SSTR4: variants seen among roughly 807,000 people sequenced by gnomAD.
SSTR4 encodes the protein somatostatin receptor type 4.
For synonymous variants in SSTR4, 272 were observed against 246.3 expected (o/e 1.10, Z -0.98); for missense variants, 649 against 540.6 (o/e 1.20, Z -1.99).
At position 23,035,783 on chromosome 20, in the gene SSTR4, G is replaced by A; in HGVS notation, c.300G>A (p.Val100=). 1 of 1,593,960 alleles carries A rather than the reference G, an allele frequency of 6.3e-7. No homozygotes were observed. ...CCGACGAGCTCTTCATGCTGAGCGT[G>A]CCCTTCGTGGCCTCGTCGGCCGCCC... ...AVADELFMLS[V]PFVASSAALR... The change falls in exon 1 of 1, where the codon GTG becomes GTA. Residue 100 remains valine (V), a synonymous_variant. Coordinates refer to ENST00000255008, the MANE Select transcript of SSTR4 (RefSeq NM_001052.4).
chr20:23,035,312 G>C lies in SSTR4; in HGVS notation c.-172G>C, dbSNP rs1600403788. ...GAGCCAGTCGGGCGCCCGCGCGGTG[G>C]GGCGCGCGGCGCGGGGATTGGCGGG... On this transcript the variant is annotated 5_prime_UTR_variant, in exon 1 of 1. Transcript: ENST00000255008. 7.1e-6 allele frequency: 3 copies of C among 421,824 alleles called. No individual in the cohort carries two copies. In the East Asian group the frequency reaches 1.5e-4, roughly 21 times the overall value. The allele number at this position is 421,824 out of a possible 1,614,324, so 26.1% of individuals were successfully genotyped here. A position where few individuals can be genotyped will look rare whatever the true frequency, so the allele number is the denominator to read the frequency against.
Position 23,036,615 on chromosome 20 carries a change from A to C in SSTR4, c.1132A>C (p.Lys378Gln). The C allele has an allele frequency of 6.4e-7, 1 of 1,570,268 alleles. No homozygotes were observed. The highest frequency in any genetic ancestry group is 8.6e-7 in the Non-Finnish European group (1 of 1,159,370). The stretch of plus-strand genomic sequence containing the variant: ...AGCCCTGCAACCAGAACCCGGCCGC[A>C]AGCGCATCCCCCTCACCAGGACCAC... ...QEALQPEPGR[K>Q]RIPLTRTTTF Residue 378 changes from lysine (K) to glutamine (Q), a missense_variant, in exon 1 of 1, where the codon AAG becomes CAG. Physicochemically the swap from Lys to Gln is moderately conservative, Grantham distance 53. Coordinates refer to ENST00000255008, the MANE Select transcript of SSTR4 (RefSeq NM_001052.4).
Position 23,036,411 on chromosome 20 carries a change from C to G in SSTR4, c.928C>G (p.Leu310Val). The G allele has an allele frequency of 6.2e-7, 1 of 1,614,106 alleles. No homozygotes were observed. The stretch of plus-strand genomic sequence containing the variant: ...TGCCAACAGCTGCGCCAACCCCATT[C>G]TCTATGGCTTCCTCTCCGACAACTT... ...SYANSCANPI[L>V]YGFLSDNFRR... The change falls in exon 1 of 1, where the codon CTC becomes GTC. Residue 310 changes from leucine to valine, a missense_variant. Leu to Val is a conservative substitution (Grantham distance 32, BLOSUM62 1). Transcript: ENST00000255008.
chr20:23,036,707 C>T lies in SSTR4; in HGVS notation c.*57C>T. On this transcript the variant is annotated 3_prime_UTR_variant, in exon 1 of 1. Coordinates refer to ENST00000255008, the MANE Select transcript of SSTR4 (RefSeq NM_001052.4). ...ACCTCCCAAGGGGTGGGCACCATTC[C>T]TACAGCCCCGAAGACTGCATCTCCT... The T allele has an allele frequency of 6.6e-7, 1 of 1,507,516 alleles. No homozygotes were observed. The highest frequency in any genetic ancestry group is 8.9e-7 in the Non-Finnish European group (1 of 1,126,140). The allele number at this position is 1,507,516 out of a possible 1,614,324, so 93.4% of individuals were successfully genotyped here.
Position 23,036,206 on chromosome 20 carries a change from G to T in SSTR4, c.723G>T (p.Val241=), listed in dbSNP as rs1984314932. Reference sequence around the variant, plus strand: ...TCATCGTGGGCAAGATGCGCGCCGTGGCCCTGCGCGCTGGCTGGCAGCAGC... The same window carrying T: ...TCATCGTGGGCAAGATGCGCGCCGTTGCCCTGCGCGCTGGCTGGCAGCAGC... ...YLLIVGKMRA[V]ALRAGWQQRR... is the part of the protein sequence containing the mutation. The change falls in exon 1 of 1, where the codon GTG becomes GTT. Residue 241 remains valine (V), a synonymous_variant. Transcript: ENST00000255008. 6.2e-7 allele frequency: 1 copy of T among 1,613,182 alleles called. No homozygotes were observed. The highest frequency in any genetic ancestry group is 8.5e-7 in the Non-Finnish European group (1 of 1,179,906).
Position 23,036,873 on chromosome 20 carries a change from G to A in SSTR4, c.*223G>A. 1 of 500,506 alleles carries A rather than the reference G, an allele frequency of 2.0e-6. No homozygotes were observed. Among genetic ancestry groups the A allele is most frequent in the East Asian group, 3.1e-5 (1 of 31,920 alleles). The allele number at this position is 500,506 out of a possible 1,614,324, so 31.0% of individuals were successfully genotyped here. A position where few individuals can be genotyped will look rare whatever the true frequency, so the allele number is the denominator to read the frequency against. On this transcript the variant is annotated 3_prime_UTR_variant, in exon 1 of 1. Coordinates refer to ENST00000255008, the MANE Select transcript of SSTR4 (RefSeq NM_001052.4). Reference sequence around the variant, plus strand: ...GCTTCCATATGGGTAGGACTCCTCTGGAAACTGGGCTAGGATATTAATCAT... The same window carrying A: ...GCTTCCATATGGGTAGGACTCCTCTAGAAACTGGGCTAGGATATTAATCAT...
In SSTR4 at chr20:23,035,856, G is replaced by A. The variant is rs747905198; in HGVS notation, c.373G>A (p.Val125Ile). ...GSVLCRAVLS[V>I]DGLNMFTSVF... ...CGTGCTGTGCCGCGCGGTGCTCAGC[G>A]TCGACGGCCTCAACATGTTCACCAG... The change falls in exon 1 of 1, where the codon GTC becomes ATC. Residue 125 changes from valine (V) to isoleucine (I), a missense_variant. Val to Ile is a conservative substitution (Grantham distance 29). Transcript: ENST00000255008. 1.2e-6 allele frequency: 2 copies of A among 1,607,070 alleles called. No homozygotes were observed. Among genetic ancestry groups the A allele is most frequent in the Admixed American group, 3.4e-5 (2 of 59,344 alleles).
At position 23,038,469 on chromosome 20, in the gene SSTR4, G is replaced by A. The variant is rs1389889341; in HGVS notation, c.*1819G>A. The stretch of plus-strand genomic sequence containing the variant: ...GTCTTGGCAACACTAGTGTGTGGCT[G>A]CCCAGATTAGCATGGAATAAGACAC... On this transcript the variant is annotated 3_prime_UTR_variant, in exon 1 of 1. Transcript: ENST00000255008. Among the ~76,000 whole-genome samples the A allele has an allele frequency of 6.6e-6, 1 of 152,186 alleles. No individual in the cohort carries two copies. The highest frequency in any genetic ancestry group is 1.5e-5 in the Non-Finnish European group (1 of 68,042).
At position 23,036,960 on chromosome 20, in the gene SSTR4, C is replaced by T. The variant is rs1984348149; in HGVS notation, c.*310C>T. ...CAGGAGGTGGTGAGAAATGAATGGT[C>T]CCTGTGTGTGACTCCTTACAGCCAC... is the stretch of plus-strand genomic sequence containing the variant. On this transcript the variant is annotated 3_prime_UTR_variant, in exon 1 of 1. Transcript: ENST00000255008. 2 of 390,254 alleles carry T rather than the reference C, an allele frequency of 5.1e-6. No homozygotes were observed. The highest frequency in any genetic ancestry group is 2.0e-5 in the African/African-American group (1 of 48,854). 24.2% of individuals were successfully genotyped at this position (390,254 alleles called of 1,614,324 possible).
In SSTR4 at chr20:23,036,292, T is replaced by C. The variant is rs1197605746; in HGVS notation, c.809T>C (p.Leu270Pro). 1.9e-6 allele frequency: 3 copies of C among 1,614,076 alleles called. No homozygotes were observed. The highest frequency in any genetic ancestry group is 2.2e-5 in the East Asian group (1 of 44,862). Residue 270 changes from leucine (L) to proline (P), a missense_variant, in exon 1 of 1, where the codon CTC becomes CCC. Leu to Pro is a moderately conservative substitution (Grantham distance 98). Coordinates refer to ENST00000255008, the MANE Select transcript of SSTR4 (RefSeq NM_001052.4). Reference sequence around the variant, plus strand: ...CTGATGGTCGTGGTCGTCTTTGTGCTCTGCTGGATGCCTTTCTACGTGGTG... The same window carrying C: ...CTGATGGTCGTGGTCGTCTTTGTGCCCTGCTGGATGCCTTTCTACGTGGTG... Reference protein sequence around the residue: ...LVLMVVVVFVLCWMPFYVVQL... With the variant: ...LVLMVVVVFVPCWMPFYVVQL...
Position 23,035,403 on chromosome 20 carries a change from C to A in SSTR4, c.-81C>A. On this transcript the variant is annotated 5_prime_UTR_variant, in exon 1 of 1. Coordinates refer to ENST00000255008, the MANE Select transcript of SSTR4 (RefSeq NM_001052.4). ...AGCCGCGCGTCTGCGCGCCAGCCCCCGCCCTGGGCCCGCCGCCCGAGCTCT... is the reference window on the plus strand; with the variant it reads ...AGCCGCGCGTCTGCGCGCCAGCCCCAGCCCTGGGCCCGCCGCCCGAGCTCT... 2 of 1,099,436 alleles carry A rather than the reference C, an allele frequency of 1.8e-6. No homozygotes were observed. The highest frequency in any genetic ancestry group is 2.3e-6 in the Non-Finnish European group (2 of 868,702). 68.1% of individuals were successfully genotyped at this position (1,099,436 alleles called of 1,614,324 possible).
chr20:23,035,385 C>G lies in SSTR4; in HGVS notation c.-99C>G, dbSNP rs937947280. ...TTCAGCGTAGCCGGGAAGAGCCGCGCGTCTGCGCGCCAGCCCCCGCCCTGG... is the reference window on the plus strand; with the variant it reads ...TTCAGCGTAGCCGGGAAGAGCCGCGGGTCTGCGCGCCAGCCCCCGCCCTGG... On this transcript the variant is annotated 5_prime_UTR_variant, in exon 1 of 1. Coordinates refer to ENST00000255008, the MANE Select transcript of SSTR4 (RefSeq NM_001052.4). The G allele has an allele frequency of 5.2e-5, 47 of 909,416 alleles. No homozygotes were observed. The highest frequency in any genetic ancestry group is 4.4e-5 in the Admixed American group (1 of 22,510). 56.3% of individuals were successfully genotyped at this position (909,416 alleles called of 1,614,324 possible).
Position 23,036,501 on chromosome 20 carries a change from G to C in SSTR4, c.1018G>C (p.Glu340Gln), listed in dbSNP as rs370296350. 1 of 1,613,836 alleles carries C rather than the reference G, an allele frequency of 6.2e-7. No individual in the cohort carries two copies. The highest frequency in any genetic ancestry group is 1.3e-5 in the African/African-American group (1 of 74,930). ...CCLLEGAGGA[E>Q]EEPLDYYATA... is the part of the protein sequence containing the mutation. ...CCTCCTGGAAGGTGCTGGAGGTGCT[G>C]AGGAGGAGCCCCTGGACTACTATGC... is the stretch of plus-strand genomic sequence containing the variant. Residue 340 changes from glutamate (E) to glutamine (Q), a missense_variant, in exon 1 of 1, where the codon GAG becomes CAG. Coordinates refer to ENST00000255008, the MANE Select transcript of SSTR4 (RefSeq NM_001052.4).
In SSTR4 at chr20:23,038,809, T is replaced by C. The variant is rs957624084; in HGVS notation, c.*2159T>C. 9 of 152,190 alleles carry C rather than the reference T, an allele frequency of 5.9e-5. No homozygotes were observed. The highest frequency in any genetic ancestry group is 1.9e-4 in the African/African-American group (8 of 41,430). 9.4% of individuals were successfully genotyped at this position (152,190 alleles called of 1,614,324 possible). ...TCCTCCTTCCATCACCACTGGAAAA[T>C]GAGCGTGAACACTGCCCTTGACCCT... On this transcript the variant is annotated 3_prime_UTR_variant, in exon 1 of 1. Coordinates refer to ENST00000255008, the MANE Select transcript of SSTR4 (RefSeq NM_001052.4).
rs1263812434 is a variant in SSTR4, at chr20:23,038,921, C to T, written c.*2271C>T. ...CTCTTCTTTAGCTTCAGGGCCTTTT[C>T]ATTTCCCGGCAGCAACGAGGTGCAC... On this transcript the variant is annotated 3_prime_UTR_variant, in exon 1 of 1. Coordinates refer to ENST00000255008, the MANE Select transcript of SSTR4 (RefSeq NM_001052.4). The T allele has an allele frequency of 6.6e-6, 1 of 152,250 alleles. No homozygotes were observed. Among genetic ancestry groups the T allele is most frequent in the East Asian group, 1.9e-4 (1 of 5,192 alleles). 9.4% of individuals were successfully genotyped at this position (152,250 alleles called of 1,614,324 possible).
Position 23,035,782 on chromosome 20 carries a change from T to A in SSTR4, c.299T>A (p.Val100Glu). Residue 100 changes from valine (V) to glutamate (E), a missense_variant, in exon 1 of 1, where the codon GTG becomes GAG. Coordinates refer to ENST00000255008, the MANE Select transcript of SSTR4 (RefSeq NM_001052.4). Reference sequence around the variant, plus strand: ...GCCGACGAGCTCTTCATGCTGAGCGTGCCCTTCGTGGCCTCGTCGGCCGCC... The same window carrying A: ...GCCGACGAGCTCTTCATGCTGAGCGAGCCCTTCGTGGCCTCGTCGGCCGCC... The part of the protein sequence containing the change: ...AVADELFMLS[V>E]PFVASSAALR... 1 of 1,595,952 alleles carries A rather than the reference T, an allele frequency of 6.3e-7. No individual in the cohort carries two copies.
In SSTR4 at chr20:23,039,120, C is replaced by T. The variant is rs1355707542; in HGVS notation, c.*2470C>T. The T allele has an allele frequency of 6.6e-6, 1 of 152,210 alleles. No individual in the cohort carries two copies. Among genetic ancestry groups the T allele is most frequent in the East Asian group, 1.9e-4 (1 of 5,194 alleles). 9.4% of individuals were successfully genotyped at this position (152,210 alleles called of 1,614,324 possible). A position where few individuals can be genotyped will look rare whatever the true frequency, so the allele number is the denominator to read the frequency against. ...CATACAGCCAGGATCCTGAAAGCCA[C>T]CAACATATGTCACCTGCCTGGGAGG... On this transcript the variant is annotated 3_prime_UTR_variant, in exon 1 of 1. Coordinates refer to ENST00000255008, the MANE Select transcript of SSTR4 (RefSeq NM_001052.4).
In SSTR4 at chr20:23,035,759, C is replaced by T. The variant is rs1410424733; in HGVS notation, c.276C>T (p.Ala92=). 4 of 1,590,980 alleles carry T rather than the reference C, an allele frequency of 2.5e-6. No homozygotes were observed. Among genetic ancestry groups the T allele is most frequent in the East Asian group, 2.2e-5 (1 of 44,520 alleles). ...TNIYLLNLAV[A]DELFMLSVPF... is the part of the protein sequence containing the mutation. The stretch of plus-strand genomic sequence containing the variant: ...TCTACCTGCTCAACCTGGCCGTAGC[C>T]GACGAGCTCTTCATGCTGAGCGTGC... The change falls in exon 1 of 1, where the codon GCC becomes GCT. Residue 92 remains alanine (A), a synonymous_variant. Transcript: ENST00000255008.
rs1215531948 is a variant in SSTR4 at position 23,036,755 on chromosome 20, ACCTG to A, written c.*106_*109del. 22 of 1,300,506 alleles carry A rather than the reference ACCTG, an allele frequency of 1.7e-5. No homozygotes were observed. Among genetic ancestry groups the A allele is most frequent in the Non-Finnish European group, 2.2e-5 (21 of 949,212 alleles). 80.6% of individuals were successfully genotyped at this position (1,300,506 alleles called of 1,614,324 possible). On this transcript the variant is annotated 3_prime_UTR_variant, in exon 1 of 1. Coordinates refer to ENST00000255008, the MANE Select transcript of SSTR4 (RefSeq NM_001052.4). ...CCTGAATGCTCACCTAAGCTCCACCACCTGTTCCTTCCAGCAGCCCATGTACCTG... is the reference window on the plus strand; with the variant it reads ...CCTGAATGCTCACCTAAGCTCCACCATTCCTTCCAGCAGCCCATGTACCTG...
Sources: gnomAD v4.1 joint callset for allele counts (sites outside exome capture counted in the v4.1 genomes callset) on GRCh38, gnomAD v4.1.1 for gene constraint, MANE v1.5 for transcripts, NCBI Gene and HGNC (gene_info 2026-07-23, HGNC 2026-07-21) for gene names.